The following CPVL variants were observed in gnomAD, a reference collection of about 807,000 sequenced individuals.
The protein encoded by CPVL is carboxypeptidase vitellogenic like.
In CPVL, 51 loss-of-function variants were observed where a neutral mutation model predicts 63.7. That is an observed-to-expected ratio of 0.80 (90% CI 0.64 to 1.01). The LOEUF (loss-of-function observed/expected upper bound fraction) is 1.01. Ranked by LOEUF, CPVL falls within the 50% of genes least tolerant of loss-of-function variation. CPVL has a pLI of 0.00. For missense variants in CPVL, 530 were observed against 573.1 expected, an observed-to-expected ratio of 0.92 and a Z score of 0.77; for synonymous variants, 195 against 206.0, an observed-to-expected ratio of 0.95 and a Z score of 0.46.
intron 11 of CPVL, among the ~76,000 whole-genome samples, chr7:29,042,605 A>C (rs1358783845): frequency 6.6e-6 from 1 of 152,128 alleles, no homozygotes; most frequent in African/African-American, 2.4e-5. Context: ...CCTGTCTCTA[A>C]AACAAAACAA....
At chr7:29,128,237 C>G (rs1024072976) in intron 1 of CPVL, 6 of 143,784 alleles carry the variant, frequency 4.2e-5, no homozygotes, top group Middle Eastern at 3.8e-3. Flanking sequence ...ATCTCTGCTC[C>G]TAGGTAGGGA....
At chr7:29,082,827 C>T (rs2128591916) in intron 7 of CPVL, among the ~76,000 whole-genome samples, 1 of 152,292 alleles carries the variant, frequency 6.6e-6, no homozygotes, top group Middle Eastern at 3.4e-3. Flanking sequence ...GGCAGTTTTG[C>T]CAAACATCAT....
chr7:29,147,842 T>C (rs1360623487), upstream of CPVL, among the ~76,000 whole-genome samples: 2 of 152,250 alleles, frequency 1.3e-5, no homozygotes, highest in East Asian at 3.8e-4. Context: ...TTAAGTACAA[T>C]AAGTTCTACC....
At chr7:29,022,949 G>A (rs1382423428) in intron 12 of CPVL, among the ~76,000 whole-genome samples, 1 of 152,204 alleles carries the variant, frequency 6.6e-6, no homozygotes, top group Non-Finnish European at 1.5e-5. Flanking sequence ...GGGACCTGAG[G>A]ATGTCCACTC....
At chr7:29,159,845 TC>T in intron 5 of CPVL, among the ~76,000 whole-genome samples, 1 of 152,200 alleles carries the variant, frequency 6.6e-6, no homozygotes, top group South Asian at 2.1e-4. Context: ...GTGATTTGTC[TC>T]AACTAGTGTA....
At chr7:29,159,978 G>A (rs1264767539) in intron 5 of CPVL, among the ~76,000 whole-genome samples, 1 of 152,156 alleles carries the variant, frequency 6.6e-6, no homozygotes, top group African/African-American at 2.4e-5. Flanking sequence ...TTTTCTGGTT[G>A]GTGGTCATCT....
At chr7:29,072,981 T>A (rs1181642140) in intron 7 of CPVL, among the ~76,000 whole-genome samples, 2 of 152,216 alleles carry the variant, frequency 1.3e-5, no homozygotes, top group African/African-American at 4.8e-5. Flanking sequence ...TGTAGATATA[T>A]TTCCCCTAAC....
rs190983468 is a variant in CPVL at position 29,111,477 on chromosome 7, G to A, written c.288+1227C>T. ...GGGTGAGTGTCTCCTTGCATTGCAA[G>A]CTCTAGGCATCTCACTTGCCTCACT... On this transcript the variant is annotated intron_variant, in intron 3 of 12. Transcript: ENST00000265394. Among the ~76,000 whole-genome samples the A allele has an allele frequency of 7.2e-4, 110 of 152,276 alleles. 4 individuals are homozygous for A. Among genetic ancestry groups the A allele is most frequent in the Non-Finnish European group, 2.2e-4 (15 of 68,030 alleles).
At chr7:29,124,118 T>C (rs1387272628) in intron 1 of CPVL, among the ~76,000 whole-genome samples, 1 of 152,190 alleles carries the variant, frequency 6.6e-6, no homozygotes, top group Non-Finnish European at 1.5e-5. Context: ...AAAGCTATTA[T>C]CATAAATGGA....
At chr7:29,162,084 A>C (rs1795248700) in intron 5 of CPVL, among the ~76,000 whole-genome samples, 1 of 152,228 alleles carries the variant, frequency 6.6e-6, no homozygotes, top group African/African-American at 2.4e-5. Context: ...GGCAATGTTA[A>C]ACAGTACAGC....
chr7:29,192,440 T>A (rs926693952), intron 1 of CPVL: 1 of 152,202 alleles, frequency 6.6e-6, no homozygotes, highest in Non-Finnish European at 1.5e-5. Context: ...ATTTCAGAGA[T>A]GAATAATGAA....
chr7:29,138,370 G>A (rs914488068), intron 1 of CPVL, among the ~76,000 whole-genome samples: 1 of 152,202 alleles, frequency 6.6e-6, no homozygotes, highest in Non-Finnish European at 1.5e-5. Context: ...AACACCGGAG[G>A]CAGAGGTTGC....
At chr7:29,022,296 C>T (rs971840574) in intron 12 of CPVL, among the ~76,000 whole-genome samples, 1 of 152,302 alleles carries the variant, frequency 6.6e-6, no homozygotes, top group Middle Eastern at 3.4e-3. Context: ...CTGTCTGCCA[C>T]CACCACCAGT....
At chr7:29,170,535 T>C (rs1402375815) in intron 5 of CPVL, among the ~76,000 whole-genome samples, 1 of 152,236 alleles carries the variant, frequency 6.6e-6, no homozygotes, top group Admixed American at 6.5e-5. Context: ...TAGTTTAAAA[T>C]GGGTTTTGTA....
chr7:29,194,772 TC>T (rs1408775246), intron 1 of CPVL: 1 of 484,308 alleles, frequency 2.1e-6, no homozygotes, highest in East Asian at 3.7e-5. Context: ...CAGCGCGTCA[TC>T]TGGTGGAGCA....
At chr7:29,089,983 C>T (rs1203904525) in intron 6 of CPVL, among the ~76,000 whole-genome samples, 2 of 152,132 alleles carry the variant, frequency 1.3e-5, no homozygotes, top group African/African-American at 4.8e-5. Flanking sequence ...CTGCCTCAGC[C>T]TCCCAAGTAG....
chr7:29,110,012 C>T (rs1216994128), intron 3 of CPVL, among the ~76,000 whole-genome samples: 1 of 152,202 alleles, frequency 6.6e-6, no homozygotes, highest in Non-Finnish European at 1.5e-5. Flanking sequence ...TGTTCACCTG[C>T]CCAGAGGCAA....
intron 1 of CPVL, among the ~76,000 whole-genome samples, chr7:29,129,217 G>A (rs932384838): frequency 1.3e-5 from 2 of 152,196 alleles, no homozygotes; most frequent in African/African-American, 4.8e-5. Flanking sequence ...GGGAGGTAAT[G>A]AGAAATGGTC....
At chr7:29,070,974 C>G (rs1783674729) in intron 9 of CPVL, among the ~76,000 whole-genome samples, 1 of 151,998 alleles carries the variant, frequency 6.6e-6, no homozygotes, top group Non-Finnish European at 1.5e-5. Context: ...TAATAACAAA[C>G]AAATTAAAGC....
Sources: allele counts gnomAD v4.1 joint callset (sites outside exome capture counted in the v4.1 genomes callset), GRCh38; gene constraint gnomAD v4.1.1; transcripts MANE v1.5; gene names NCBI Gene and HGNC (gene_info 2026-07-23, HGNC 2026-07-21).